SNX29: variants seen among roughly 807,000 people sequenced by gnomAD.
SNX29 encodes the protein sorting nexin-29.
Under a neutral mutation model 102.1 loss-of-function variants are expected in SNX29, and 78 were observed. The observed-to-expected ratio is 0.76, with a 90% CI of 0.64 to 0.92. The LOEUF (loss-of-function observed/expected upper bound fraction) is 0.92, where lower values mean the gene tolerates loss of function less well. Ranked by LOEUF, SNX29 falls within the 40% of genes least tolerant of loss-of-function variation. SNX29 has a pLI of 0.00. For missense variants in SNX29, 1,280 were observed against 1,061.7 expected (o/e 1.21, Z -2.86); for synonymous variants, 580 against 414.5 (o/e 1.40, Z -4.85).
intron 11 of SNX29, among the ~76,000 whole-genome samples, chr16:12,084,264 G>A (rs1211026557): frequency 2.0e-5 from 3 of 151,864 alleles, no homozygotes; most frequent in South Asian, 2.1e-4. Flanking sequence ...TCCTGCCTCA[G>A]CCTCATGAGT....
intron 15 of SNX29, among the ~76,000 whole-genome samples, chr16:12,326,163 C>T (rs377254351): frequency 1.4e-4 from 22 of 151,910 alleles, no homozygotes; most frequent in African/African-American, 5.3e-4. Context: ...CACGTGCCAC[C>T]ACGTCTGGCT....
chr16:12,563,231 C>A (rs1417470811), intron 20 of SNX29, among the ~76,000 whole-genome samples: 2 of 152,064 alleles, frequency 1.3e-5, no homozygotes, highest in African/African-American at 4.8e-5. Context: ...CTGAAAGTGG[C>A]CTCCCCATCA....
intron 13 of SNX29, among the ~76,000 whole-genome samples, chr16:12,189,122 T>A (rs1188809335): frequency 3.9e-5 from 6 of 152,234 alleles, no homozygotes; most frequent in Non-Finnish European, 5.9e-5. Flanking sequence ...CTTTTTACTT[T>A]TTAATTTTTC....
At chr16:12,313,095 C>T (rs149271595) in intron 15 of SNX29, among the ~76,000 whole-genome samples, 1 of 151,894 alleles carries the variant, frequency 6.6e-6, no homozygotes, top group African/African-American at 2.4e-5. Flanking sequence ...CTTACTACAA[C>T]CTCCGCCTCC....
rs985273302 is a variant in SNX29 at position 12,572,187 on chromosome 16, T to C, written c.*3558T>C. On this transcript the variant is annotated 3_prime_UTR_variant, in exon 21 of 21. Transcript: ENST00000566228. The stretch of plus-strand genomic sequence containing the variant: ...ATAACCATGTAATTTCTTAGAACCA[T>C]GGCAGGTAGTATTGTGCTTTAAAAA... 3 of 963,966 alleles carry C rather than the reference T, an allele frequency of 3.1e-6. No individual in the cohort carries two copies. Among genetic ancestry groups the C allele is most frequent in the African/African-American group, 3.4e-5 (2 of 58,844 alleles). The allele number at this position is 963,966 out of a possible 1,614,324, so 59.7% of individuals were successfully genotyped here.
chr16:12,048,718 T>C, intron 7 of SNX29, 98 bp downstream of exon 7: 2 of 1,592,938 alleles, frequency 1.3e-6, no homozygotes, highest in Non-Finnish European at 1.7e-6. Context: ...CCAAGGGGAA[T>C]GGAGTCCAGT....
chr16:12,440,256 CT>C (rs1185631628), intron 18 of SNX29, among the ~76,000 whole-genome samples: 1 of 152,106 alleles, frequency 6.6e-6, no homozygotes, highest in African/African-American at 2.4e-5. Context: ...TAAAACTCAC[CT>C]TTTCAAAGTG....
At chr16:12,334,110 C>G (rs1009804506) in intron 15 of SNX29, among the ~76,000 whole-genome samples, 2 of 152,168 alleles carry the variant, frequency 1.3e-5, no homozygotes, top group Non-Finnish European at 2.9e-5. Context: ...TTCAAAGACA[C>G]TGTCACCTCT....
chr16:12,537,618 G>A (rs764326115), intron 20 of SNX29, among the ~76,000 whole-genome samples: 5 of 152,182 alleles, frequency 3.3e-5, no homozygotes, highest in Admixed American at 6.5e-5. Context: ...GTCCCAAAAT[G>A]ATTGAGTTGG....
At chr16:12,081,273 T>C (rs535049294) in intron 11 of SNX29, 4 of 152,244 alleles carry the variant, frequency 2.6e-5, no homozygotes, top group African/African-American at 4.8e-5. Context: ...TGGGAAGCTC[T>C]GTAACCACCA....
At chr16:12,390,893 A>C (rs1408165862) in intron 16 of SNX29, among the ~76,000 whole-genome samples, 1 of 149,374 alleles carries the variant, frequency 6.7e-6, no homozygotes, top group African/African-American at 2.6e-5. Flanking sequence ...AAAAAAAAAA[A>C]AAGAAAAGAA....
At chr16:12,456,780 C>T (rs751000244) in intron 18 of SNX29, among the ~76,000 whole-genome samples, 1 of 152,076 alleles carries the variant, frequency 6.6e-6, no homozygotes, top group Non-Finnish European at 1.5e-5. Context: ...GGAGAGGATG[C>T]ATTGGGATTG....
At chr16:12,133,175 G>C (rs1467389553) in intron 13 of SNX29, among the ~76,000 whole-genome samples, 1 of 152,030 alleles carries the variant, frequency 6.6e-6, no homozygotes, top group East Asian at 1.9e-4. Flanking sequence ...TTATGGTCCA[G>C]GTGCCTGCCT....
intron 16 of SNX29, among the ~76,000 whole-genome samples, chr16:12,392,793 C>T (rs2083575753): frequency 6.6e-6 from 1 of 152,126 alleles, no homozygotes; most frequent in Non-Finnish European, 1.5e-5. Context: ...AGATATGATG[C>T]CTCTAGTGGT....
At chr16:12,335,358 C>G (rs2081415080) in intron 15 of SNX29, among the ~76,000 whole-genome samples, 1 of 151,992 alleles carries the variant, frequency 6.6e-6, no homozygotes, top group African/African-American at 2.4e-5. Flanking sequence ...AAGCTCAAAT[C>G]AGTGATGTTT....
At chr16:12,042,833 T>C in intron 4 of SNX29, 64 bp from the exon 5 acceptor site, 1 of 1,513,950 alleles carries the variant, frequency 6.6e-7, no homozygotes, top group Non-Finnish European at 9.0e-7. Context: ...AGGCTTTGTG[T>C]GTTCCTCTCC....
At chr16:12,116,164 G>A (rs2053692576) in intron 11 of SNX29, among the ~76,000 whole-genome samples, 1 of 152,182 alleles carries the variant, frequency 6.6e-6, no homozygotes, top group Non-Finnish European at 1.5e-5. Flanking sequence ...TAAAACGTTA[G>A]TGGAATTACC....
In SNX29 at chr16:12,296,359, A is replaced by G. The variant is rs1486488075; in HGVS notation, c.1782+18323A>G. On this transcript the variant is annotated intron_variant, in intron 15 of 20. Coordinates refer to ENST00000566228, the MANE Select transcript of SNX29 (RefSeq NM_032167.5). ...GCTCTGCACCTGTAAGTTTGTGCCC[A>G]TGGCCCTTATATATGGGGAGAAGAA... 3.3e-5 allele frequency among the ~76,000 whole-genome samples: 5 copies of G among 152,334 alleles called. No individual in the cohort carries two copies. The South Asian group carries it at 8.3e-4, about 25-fold the overall frequency.
intron 20 of SNX29, among the ~76,000 whole-genome samples, chr16:12,529,775 G>A (rs1487458110): frequency 1.3e-5 from 2 of 152,132 alleles, no homozygotes; most frequent in African/African-American, 4.8e-5. Context: ...AGCAGGTTAC[G>A]TTTAGCTCAG....
Sources: allele counts gnomAD v4.1 joint callset (sites outside exome capture counted in the v4.1 genomes callset), GRCh38; gene constraint gnomAD v4.1.1; transcripts MANE v1.5; gene names NCBI Gene and HGNC (gene_info 2026-07-23, HGNC 2026-07-21).